The following SHROOM4 variants were observed in gnomAD, a reference collection of about 807,000 sequenced individuals.
SHROOM4 encodes shroom family member 4.
Under a neutral mutation model 80.3 loss-of-function variants are expected in SHROOM4, and 17 were observed. The ratio of observed to expected loss-of-function variants is 0.21; its 90% CI spans 0.14 to 0.32. The LOEUF is 0.32. SHROOM4 is among the 10% of genes least tolerant of loss of function. SHROOM4 has a pLI of 1.00. For missense variants in SHROOM4, 993 were observed against 1,140.3 expected (o/e 0.87, Z 1.86); for synonymous variants, 400 against 437.5 (o/e 0.91, Z 1.07).
rs189447501 is a variant in SHROOM4 at position 50,796,380 on chromosome X, G to A, written c.117+17522C>T. ...GAAAGATTTTTTCAAGGCACTGCTG[G>A]GAGCATGGAGCCATAGCAACAATTC... On this transcript the variant is annotated intron_variant, in intron 1 of 8. Transcript: ENST00000376020. 2.0e-3 allele frequency among the ~76,000 whole-genome samples: 219 copies of A among 111,665 alleles called. 1 individual carries two copies. Among genetic ancestry groups the A allele is most frequent in the African/African-American group, 6.8e-3 (210 of 30,752 alleles).
chrX:50,617,354 T>A (rs933895145), intron 5 of SHROOM4, among the ~76,000 whole-genome samples: 1 of 111,632 alleles, frequency 9.0e-6, no homozygotes, highest in Non-Finnish European at 1.9e-5. Flanking sequence ...AGAATTGGAC[T>A]GCACTCCCTG....
intron 2 of SHROOM4, among the ~76,000 whole-genome samples, chrX:50,648,297 G>C (rs1267954108): frequency 1.8e-5 from 2 of 111,872 alleles, no homozygotes; most frequent in Non-Finnish European, 3.8e-5. Context: ...TATGATACTT[G>C]AGTCACCTGG....
At chrX:50,661,086 CT>C (rs1174807429) in intron 2 of SHROOM4, among the ~76,000 whole-genome samples, 5 of 111,414 alleles carry the variant, frequency 4.5e-5, no homozygotes, top group African/African-American at 1.6e-4. Context: ...GATGCAAAAC[CT>C]TTTCCCCAGT....
At chrX:50,795,723 C>G (rs1423114296) in intron 1 of SHROOM4, among the ~76,000 whole-genome samples, 1 of 111,894 alleles carries the variant, frequency 8.9e-6, no homozygotes, top group Non-Finnish European at 1.9e-5. Flanking sequence ...TGGGTATGTG[C>G]TCTGGAGATA....
At chrX:50,785,670 G>A (rs1215873217) in intron 1 of SHROOM4, among the ~76,000 whole-genome samples, 4 of 111,456 alleles carry the variant, frequency 3.6e-5, no homozygotes, top group Non-Finnish European at 5.6e-5. Flanking sequence ...GGGGGTTGTG[G>A]AGCTGGATTA....
intron 1 of SHROOM4, among the ~76,000 whole-genome samples, chrX:50,764,674 C>T (rs1935234307): frequency 1.8e-5 from 2 of 111,750 alleles, no homozygotes; most frequent in Admixed American, 1.9e-4. Flanking sequence ...CAATAATTTT[C>T]ACCAGTTAAG....
At chrX:50,787,598 C>T (rs1935769460) in intron 1 of SHROOM4, among the ~76,000 whole-genome samples, 1 of 110,942 alleles carries the variant, frequency 9.0e-6, no homozygotes, top group Non-Finnish European at 1.9e-5. Flanking sequence ...TCAAAGAAAT[C>T]CATACTAAGA....
intron 5 of SHROOM4, among the ~76,000 whole-genome samples, chrX:50,612,343 T>C (rs1930035855): frequency 9.0e-6 from 1 of 111,665 alleles, no homozygotes; most frequent in African/African-American, 3.3e-5. Flanking sequence ...CCAAAACTGA[T>C]TTCAGAAGAA....
At chrX:50,679,469 T>C (rs1330721138) in intron 2 of SHROOM4, among the ~76,000 whole-genome samples, 2 of 112,102 alleles carry the variant, frequency 1.8e-5, no homozygotes, top group African/African-American at 6.5e-5. Context: ...CAGTCAGATA[T>C]TTAATATTTG....
In SHROOM4 at chrX:50,766,628, C is replaced by A. The variant is rs540582626; in HGVS notation, c.117+47274G>T. On this transcript the variant is annotated intron_variant, in intron 1 of 8. Transcript: ENST00000376020. ...AAACACCCTGGGGGAGTGGGGAAGA[C>A]AGAATCACATATTTGTCCCAGCTGT... 4.5e-5 allele frequency among the ~76,000 whole-genome samples: 5 copies of A among 111,232 alleles called. 1 individual carries two copies. In the South Asian group the frequency reaches 1.9e-3, roughly 42 times the overall value.
intron 1 of SHROOM4, among the ~76,000 whole-genome samples, chrX:50,705,577 A>T (rs914154242): frequency 9.9e-5 from 11 of 110,880 alleles, no homozygotes; most frequent in Non-Finnish European, 1.7e-4. Flanking sequence ...CTTCTCCTAT[A>T]AAGGTTGACC....
intron 1 of SHROOM4, among the ~76,000 whole-genome samples, chrX:50,711,808 C>A (rs1023459611): frequency 5.3e-5 from 6 of 112,270 alleles, no homozygotes; most frequent in African/African-American, 1.9e-4. Context: ...CAGAAACACA[C>A]AAAAACAAGT....
intron 1 of SHROOM4, among the ~76,000 whole-genome samples, chrX:50,800,703 G>A (rs1451756664): frequency 1.8e-5 from 2 of 111,360 alleles, no homozygotes; most frequent in African/African-American, 6.5e-5. Context: ...AAAACCTGGG[G>A]CCTGGAAGGA....
intron 1 of SHROOM4, among the ~76,000 whole-genome samples, chrX:50,703,763 T>C (rs1933580808): frequency 8.9e-6 from 1 of 112,283 alleles, no homozygotes. Flanking sequence ...GCCAGCCATG[T>C]GGAACTGTGA....
chrX:50,645,385 G>A (rs1569546992), intron 2 of SHROOM4, among the ~76,000 whole-genome samples: 1 of 112,188 alleles, frequency 8.9e-6, no homozygotes, highest in Admixed American at 9.4e-5. Context: ...CCATGCAAAC[G>A]CTTGCCTGAA....
chrX:50,814,036 C>T lies in SHROOM4; in HGVS notation c.-18G>A, dbSNP rs375893820. 1.1e-5 allele frequency: 13 copies of T among 1,133,800 alleles called. No homozygotes were observed. The highest frequency in any genetic ancestry group is 1.6e-5 in the Non-Finnish European group (13 of 829,509). 93.4% of individuals were successfully genotyped at this position (1,133,800 alleles called of 1,213,427 possible). ...TTCTCCATCCTCGGCTGGGCTCAGG[C>T]GCCGCCGGGCTCCTTTTCCGAGGGG... On this transcript the variant is annotated 5_prime_UTR_variant, in exon 1 of 9. Transcript: ENST00000376020.
chrX:50,618,423 T>C (rs113658967), intron 5 of SHROOM4, among the ~76,000 whole-genome samples: 7,329 of 73,706 alleles, frequency 0.099, 613 homozygotes, highest in Non-Finnish European at 0.12. Context: ...TTCCTTCCTT[T>C]CTTATTTTTG....
intron 1 of SHROOM4, among the ~76,000 whole-genome samples, chrX:50,724,886 A>G (rs1482351233): frequency 8.9e-6 from 1 of 112,266 alleles, no homozygotes; most frequent in Non-Finnish European, 1.9e-5. Flanking sequence ...GGTATTGTAT[A>G]TAAGAAATCG....
chrX:50,603,604 G>GA (rs1365219920), intron 6 of SHROOM4, among the ~76,000 whole-genome samples: 4 of 111,501 alleles, frequency 3.6e-5, no homozygotes, highest in African/African-American at 1.3e-4. Flanking sequence ...ATGAAATGGG[G>GA]AAAAAAATGG....
Sources: allele counts gnomAD v4.1 joint callset (sites outside exome capture counted in the v4.1 genomes callset), GRCh38; gene constraint gnomAD v4.1.1; transcripts MANE v1.5; gene names NCBI Gene and HGNC (gene_info 2026-07-23, HGNC 2026-07-21).